Variants in MGLL observed in about 807,000 individuals in gnomAD.
MGLL encodes lysophospholipase homolog.
Under a neutral mutation model 29.1 loss-of-function variants are expected in MGLL, and 7 were observed. The observed-to-expected ratio is 0.24, with a 90% confidence interval of 0.14 to 0.45. The LOEUF (loss-of-function observed/expected upper bound fraction) is 0.45, where lower values mean the gene tolerates loss of function less well. MGLL is among the 20% of genes least tolerant of loss of function. The pLI is 0.99. For synonymous variants in MGLL, 148 were observed against 168.3 expected, an observed-to-expected ratio of 0.88 and a Z score of 0.93; for missense variants, 356 against 413.6, an observed-to-expected ratio of 0.86 and a Z score of 1.21.
chr3:127,749,706 G>A (rs2076520535), intron 3 of MGLL, among the ~76,000 whole-genome samples: 1 of 152,136 alleles, frequency 6.6e-6, no homozygotes, highest in Admixed American at 6.5e-5. Context: ...TGTCATGGTG[G>A]GGGTCAGACA....
intron 2 of MGLL, among the ~76,000 whole-genome samples, chr3:127,791,420 T>A (rs2077298683): frequency 6.6e-6 from 1 of 152,254 alleles, no homozygotes; most frequent in African/African-American, 2.4e-5. Context: ...AGCTCACATT[T>A]CATGTCCTGA....
chr3:127,821,953 C>A (rs1415447779), intron 1 of MGLL, 115 bp from the exon 2 acceptor site: 4 of 1,168,696 alleles, frequency 3.4e-6, no homozygotes, highest in African/African-American at 3.1e-5. Flanking sequence ...GTTTAAAAAA[C>A]CCCTCTGTTT....
intron 2 of MGLL, among the ~76,000 whole-genome samples, chr3:127,807,055 G>A (rs1576314232): frequency 6.6e-6 from 1 of 152,304 alleles, no homozygotes; most frequent in Middle Eastern, 3.4e-3. Context: ...AAAGGTTTGT[G>A]AGAATTGGTA....
Position 127,692,166 on chromosome 3 carries a change from C to T in MGLL, c.*32G>A. 6.2e-7 allele frequency: 1 copy of T among 1,610,812 alleles called. No individual in the cohort carries two copies. Among genetic ancestry groups the T allele is most frequent in the East Asian group, 2.2e-5 (1 of 44,840 alleles). ...TCTGCCCTTCCCCTGCCTGCATCCCCCAGACCATGAGCCGGGCACCGGCCA... is the reference window on the plus strand; with the variant it reads ...TCTGCCCTTCCCCTGCCTGCATCCCTCAGACCATGAGCCGGGCACCGGCCA... On this transcript the variant is annotated 3_prime_UTR_variant, in exon 8 of 8. Coordinates refer to ENST00000265052, the MANE Select transcript of MGLL (RefSeq NM_007283.7).
intron 2 of MGLL, among the ~76,000 whole-genome samples, chr3:127,816,449 C>T (rs1319457720): frequency 3.3e-5 from 5 of 152,178 alleles, no homozygotes; most frequent in Admixed American, 1.3e-4. Flanking sequence ...GAATTATGTG[C>T]AAGCAAATGG....
chr3:127,764,451 G>T (rs2076821464), intron 3 of MGLL, among the ~76,000 whole-genome samples: 1 of 152,166 alleles, frequency 6.6e-6, no homozygotes, highest in Non-Finnish European at 1.5e-5. Flanking sequence ...TAAAAGAGAA[G>T]AAGGACGGAA....
intron 2 of MGLL, among the ~76,000 whole-genome samples, chr3:127,786,689 A>T (rs930030101): frequency 6.6e-6 from 1 of 152,264 alleles, no homozygotes; most frequent in Non-Finnish European, 1.5e-5. Flanking sequence ...TTTATTAATC[A>T]GGTGACCTAA....
At chr3:127,758,851 C>A (rs923125267) in intron 3 of MGLL, among the ~76,000 whole-genome samples, 51 of 152,100 alleles carry the variant, frequency 3.4e-4, no homozygotes, top group African/African-American at 1.2e-3. Context: ...GTAAACATGA[C>A]CCTCACAGGA....
At chr3:127,782,334 T>C (rs2077142183) in intron 2 of MGLL, among the ~76,000 whole-genome samples, 2 of 152,146 alleles carry the variant, frequency 1.3e-5, no homozygotes, top group African/African-American at 4.8e-5. Context: ...CTCCAGGCAT[T>C]GTCAAATAAG....
intron 5 of MGLL, among the ~76,000 whole-genome samples, chr3:127,718,412 G>A (rs2107618394): frequency 6.6e-6 from 1 of 152,302 alleles, no homozygotes; most frequent in Non-Finnish European, 1.5e-5. Context: ...GAACGCTAGA[G>A]GGAGGAGGTG....
chr3:127,731,524 A>G lies in MGLL; in HGVS notation c.263-8958T>C, dbSNP rs555185653. Among the ~76,000 whole-genome samples the G allele has an allele frequency of 1.3e-4, 20 of 152,088 alleles. No homozygotes were observed. The South Asian group carries it at 4.2e-3, about 32-fold the overall frequency. On this transcript the variant is annotated intron_variant, in intron 3 of 7. Transcript: ENST00000265052. ...ACAGTCCCACCCCATCATGGATGGG[A>G]CTTCAATTGCCTTTATCAGACTCTC...
chr3:127,746,006 A>G (rs2076434801), intron 3 of MGLL, among the ~76,000 whole-genome samples: 1 of 152,236 alleles, frequency 6.6e-6, no homozygotes, highest in African/African-American at 2.4e-5. Context: ...GGCAAAGAAC[A>G]GAGTTTGAAT....
chr3:127,720,793 C>T (rs941984386), intron 5 of MGLL, among the ~76,000 whole-genome samples: 10 of 152,296 alleles, frequency 6.6e-5, no homozygotes, highest in South Asian at 4.1e-4. Flanking sequence ...AGTCTAACCT[C>T]GTCTCCTTTT....
chr3:127,736,361 A>C (rs2076242380), intron 3 of MGLL: 7 of 985,788 alleles, frequency 7.1e-6, no homozygotes, highest in Admixed American at 6.1e-5. Context: ...AGGATCCCAG[A>C]GCTTCCAGAA....
intron 2 of MGLL, among the ~76,000 whole-genome samples, chr3:127,790,133 C>A (rs1378534493): frequency 3.3e-5 from 5 of 152,268 alleles, no homozygotes; most frequent in African/African-American, 1.2e-4. Context: ...CTGCCCCTGA[C>A]TGGCTGCAGG....
In MGLL at chr3:127,793,369, G is replaced by A. The variant is rs116353521; in HGVS notation, c.156-11474C>T. Among the ~76,000 whole-genome samples the A allele has an allele frequency of 9.4e-3, 1,437 of 152,328 alleles. 10 individuals are homozygous for A. The highest frequency in any genetic ancestry group is 0.031 in the Middle Eastern group (9 of 294). On this transcript the variant is annotated intron_variant, in intron 2 of 7. Transcript: ENST00000265052. ...GGAAAACATTAGAAAAATAGGTTGT[G>A]TGTGAATATAACTTATTTTAAGAAT...
At chr3:127,806,285 C>T (rs968479703) in intron 2 of MGLL, among the ~76,000 whole-genome samples, 6 of 152,226 alleles carry the variant, frequency 3.9e-5, no homozygotes, top group African/African-American at 1.4e-4. Flanking sequence ...ACCATGGGGT[C>T]TTAATGATTT....
intron 3 of MGLL, among the ~76,000 whole-genome samples, chr3:127,771,827 T>A (rs891373793): frequency 3.3e-5 from 5 of 152,128 alleles, no homozygotes; most frequent in Admixed American, 6.5e-5. Context: ...CAGGGTAACA[T>A]AGCGTATGTT....
intron 2 of MGLL, among the ~76,000 whole-genome samples, chr3:127,805,016 G>A (rs1474670913): frequency 6.6e-6 from 1 of 152,216 alleles, no homozygotes; most frequent in Non-Finnish European, 1.5e-5. Context: ...TAAAGGCTCT[G>A]CAAGAGAGAA....
Sources: gnomAD v4.1 joint callset for allele counts (sites outside exome capture counted in the v4.1 genomes callset) on GRCh38, gnomAD v4.1.1 for gene constraint, MANE v1.5 for transcripts, NCBI Gene and HGNC (gene_info 2026-07-23, HGNC 2026-07-21) for gene names.